The following MMRN1 variants were observed in gnomAD, a reference collection of about 807,000 sequenced individuals.
MMRN1 encodes multimerin 1.
A neutral mutation model predicts 100.7 loss-of-function variants in MMRN1; 94 were observed. The ratio of observed to expected loss-of-function variants is 0.93; its 90% CI spans 0.79 to 1.11. MMRN1 has a LOEUF of 1.11. Among genes scored for constraint, MMRN1 ranks in the 50% least tolerant of loss-of-function variants. MMRN1 has a pLI of 0.00. For missense variants in MMRN1, 1,606 were observed against 1,439.1 expected, an observed-to-expected ratio of 1.12 and a Z score of -1.88; for synonymous variants, 575 against 505.0, an observed-to-expected ratio of 1.14 and a Z score of -1.86.
intron 4 of MMRN1, 136 bp from the exon 5 acceptor site, chr4:89,927,659 T>C (rs924991242): frequency 4.4e-6 from 3 of 678,390 alleles, no homozygotes; most frequent in African/African-American, 1.9e-5. Flanking sequence ...TGTTGAAAAA[T>C]AGTGGTGAAA....
At chr4:89,908,647 T>C (rs1162580296) in intron 1 of MMRN1, among the ~76,000 whole-genome samples, 1 of 151,538 alleles carries the variant, frequency 6.6e-6, no homozygotes, top group Admixed American at 6.6e-5. Flanking sequence ...AATAGTGTCT[T>C]TTTTAATTTG....
chr4:89,885,049 A>G (rs77825017), intron 1 of MMRN1, among the ~76,000 whole-genome samples: 7,325 of 152,184 alleles, frequency 0.048, 250 homozygotes, highest in African/African-American at 0.089. Flanking sequence ...ATAGATTTCA[A>G]TATAAACTAG....
intron 4 of MMRN1, 80 bp from the exon 5 acceptor site, chr4:89,927,715 G>A (rs987915984): frequency 2.8e-5 from 37 of 1,313,384 alleles, no homozygotes; most frequent in Non-Finnish European, 3.7e-5. Context: ...AAGGGTTTTA[G>A]TTTTTCTCCA....
chr4:89,934,480 A>T (rs1722538334), intron 5 of MMRN1, among the ~76,000 whole-genome samples: 1 of 152,164 alleles, frequency 6.6e-6, no homozygotes, highest in Non-Finnish European at 1.5e-5. Context: ...CACAAAACGA[A>T]AACTAGACCT....
At chr4:89,892,957 G>T (rs1195467298), upstream of MMRN1, among the ~76,000 whole-genome samples, 3 of 151,838 alleles carry the variant, frequency 2.0e-5, no homozygotes, top group African/African-American at 7.2e-5. Context: ...ACTAAAGCTA[G>T]GAAAATTGGT....
intron 3 of MMRN1, among the ~76,000 whole-genome samples, chr4:89,922,532 A>G (rs1198407020): frequency 6.6e-6 from 1 of 152,156 alleles, no homozygotes; most frequent in East Asian, 1.9e-4. Flanking sequence ...TACTTGATTC[A>G]TGGTAAATTC....
chr4:89,947,203 G>A (rs546955936), intron 6 of MMRN1, among the ~76,000 whole-genome samples: 2 of 152,134 alleles, frequency 1.3e-5, no homozygotes, highest in South Asian at 2.1e-4. Context: ...AATAGCTTAA[G>A]TCCAGGAGGC....
chr4:89,927,708 G>T, intron 4 of MMRN1, 87 bp from the exon 5 acceptor site: 1 of 1,191,458 alleles, frequency 8.4e-7, no homozygotes, highest in Non-Finnish European at 1.2e-6. Flanking sequence ...CAGAAGAAAG[G>T]GTTTTAGTTT....
Position 89,953,242 on chromosome 4 carries a change from G to A in MMRN1, c.3511G>A (p.Ala1171Thr), listed in dbSNP as rs1723241127. The change falls in exon 8 of 8, where the codon GCA (alanine) becomes ACA (threonine). Residue 1171 changes from alanine (A) to threonine (T), a missense_variant. By Grantham distance (58) the Ala-to-Thr change is moderately conservative. Transcript: ENST00000264790. ...AGTGGTTGATGGAATAGACAAGCTT[G>A]CATTTGAGTCTGAAAATATTAACAG... is the stretch of plus-strand genomic sequence containing the variant. The part of the protein sequence containing the change: ...FLVVDGIDKL[A>T]FESENINSEI... The A allele has an allele frequency of 1.2e-6, 2 of 1,613,732 alleles. No homozygotes were observed. Among genetic ancestry groups the A allele is most frequent in the African/African-American group, 1.3e-5 (1 of 74,904 alleles).
intron 1 of MMRN1, 134 bp downstream of exon 1, chr4:89,895,728 T>G (rs998940411): frequency 7.2e-7 from 1 of 1,379,404 alleles, no homozygotes; most frequent in African/African-American, 1.5e-5. Flanking sequence ...ATTTCACCAT[T>G]TCAGTTAGAT....
intron 1 of MMRN1, among the ~76,000 whole-genome samples, chr4:89,881,772 T>C (rs144949685): frequency 6.6e-6 from 1 of 152,094 alleles, no homozygotes; most frequent in East Asian, 1.9e-4. Context: ...GCAAGTTGTG[T>C]ACTGAATTCG....
In MMRN1 at chr4:89,911,040, T is replaced by A. The variant is rs150607994; in HGVS notation, c.744-904T>A. Among the ~76,000 whole-genome samples, 89 of 151,482 alleles carry A rather than the reference T, an allele frequency of 5.9e-4. 1 individual carries two copies. Among genetic ancestry groups the A allele is most frequent in the African/African-American group, 2.1e-3 (88 of 41,450 alleles). On this transcript the variant is annotated intron_variant, in intron 2 of 7. Transcript: ENST00000264790. ...ATGGGACTTTGAGAGAGTTATTTCA[T>A]CTCTCTGTTCTTTGGATTCCTCGTC...
upstream of MMRN1, among the ~76,000 whole-genome samples, chr4:89,893,367 GA>G (rs1404851862): frequency 2.6e-5 from 4 of 151,876 alleles, no homozygotes; most frequent in African/African-American, 9.7e-5. Flanking sequence ...ATTGAGGGAA[GA>G]AAAAAATATT....
rs758302372 is a variant in MMRN1 at position 89,935,633 on chromosome 4, C to A, written c.1953C>A (p.Pro651=). 3 of 1,613,452 alleles carry A rather than the reference C, an allele frequency of 1.9e-6. No individual in the cohort carries two copies. The highest frequency in any genetic ancestry group is 2.5e-6 in the Non-Finnish European group (3 of 1,179,716). ...CTTATGATATGGAGATCCTTCAACCCTTGCTTGAGCAGGGAGCATCACTCA... is the reference window on the plus strand; with the variant it reads ...CTTATGATATGGAGATCCTTCAACCATTGCTTGAGCAGGGAGCATCACTCA... ...DLTYDMEILQ[P]LLEQGASLRQ... is the part of the protein sequence containing the mutation. The change falls in exon 6 of 8, where the codon CCC becomes CCA. Residue 651 remains proline, a synonymous_variant. Transcript: ENST00000264790.
chr4:89,913,774 T>C (rs767870857), intron 3 of MMRN1, among the ~76,000 whole-genome samples: 2 of 151,332 alleles, frequency 1.3e-5, no homozygotes, highest in Non-Finnish European at 3.0e-5. Flanking sequence ...GATTATGACC[T>C]TCTGTCATAA....
intron 4 of MMRN1, among the ~76,000 whole-genome samples, chr4:89,926,325 C>A (rs1722257947): frequency 6.6e-6 from 1 of 152,152 alleles, no homozygotes; most frequent in African/African-American, 2.4e-5. Context: ...GCCATTTTAA[C>A]TGAGGTGAGA....
chr4:89,907,009 G>T (rs1033908278), intron 1 of MMRN1, among the ~76,000 whole-genome samples: 3 of 151,370 alleles, frequency 2.0e-5, no homozygotes, highest in Admixed American at 6.6e-5. Context: ...TGTTGTTTCT[G>T]CCCCACACTC....
Position 89,935,453 on chromosome 4 carries a change from A to G in MMRN1, c.1773A>G (p.Glu591=). Residue 591 remains glutamate (E), a synonymous_variant, in exon 6 of 8, where the codon GAA becomes GAG. Transcript: ENST00000264790. ...TGGAGAAAGAGTCTCTCAGAGGTGA[A>G]TGTGAAGACATGTTATCCAAATGCA... is the stretch of plus-strand genomic sequence containing the variant. ...LEMEKESLRG[E]CEDMLSKCRN... The G allele has an allele frequency of 1.2e-5, 19 of 1,613,544 alleles. No individual in the cohort carries two copies. Among genetic ancestry groups the G allele is most frequent in the Non-Finnish European group, 1.6e-5 (19 of 1,179,740 alleles).
At chr4:89,925,589 T>C (rs1722227743) in intron 4 of MMRN1, among the ~76,000 whole-genome samples, 1 of 151,932 alleles carries the variant, frequency 6.6e-6, no homozygotes, top group South Asian at 2.1e-4. Flanking sequence ...CCCAACACTT[T>C]GGGAGGCCAA....
Sources: allele counts gnomAD v4.1 joint callset (sites outside exome capture counted in the v4.1 genomes callset), GRCh38; gene constraint gnomAD v4.1.1; transcripts MANE v1.5; gene names NCBI Gene and HGNC (gene_info 2026-07-23, HGNC 2026-07-21).